MAML1: variants seen among roughly 807,000 people sequenced by gnomAD.
MAML1 encodes the protein mastermind like transcriptional coactivator 1.
MAML1 carries 14 observed loss-of-function variants against 77.1 expected under a neutral mutation model. The ratio of observed to expected loss-of-function variants is 0.18; its 90% CI spans 0.12 to 0.28. The LOEUF (loss-of-function observed/expected upper bound fraction) is 0.28. MAML1 is among the 10% of genes least tolerant of loss of function. The pLI is 1.00. For missense variants in MAML1, 1,217 were observed against 1,327.8 expected, an observed-to-expected ratio of 0.92 and a Z score of 1.30; for synonymous variants, 516 against 551.9, an observed-to-expected ratio of 0.93 and a Z score of 0.91.
chr5:179,755,657 A>G (rs1202824282), intron 1 of MAML1, among the ~76,000 whole-genome samples: 1 of 151,962 alleles, frequency 6.6e-6, no homozygotes, highest in Non-Finnish European at 1.5e-5. Flanking sequence ...AGCCCAACAC[A>G]AATTCATAAA....
At chr5:179,768,429 C>T (rs1779860898) in intron 2 of MAML1, among the ~76,000 whole-genome samples, 1 of 152,304 alleles carries the variant, frequency 6.6e-6, no homozygotes, top group African/African-American at 2.4e-5. Context: ...TGCACTCCAG[C>T]CTGGGCAACA....
chr5:179,749,136 T>C (rs1446470439), intron 1 of MAML1, among the ~76,000 whole-genome samples: 3 of 151,922 alleles, frequency 2.0e-5, no homozygotes, highest in African/African-American at 7.3e-5. Context: ...TGGCTAGTTG[T>C]TGTTGTTTGA....
intron 1 of MAML1, among the ~76,000 whole-genome samples, chr5:179,751,383 G>A (rs72809795): frequency 0.037 from 5,599 of 152,250 alleles, 126 homozygotes; most frequent in African/African-American, 0.053. Context: ...AGTGTAAAAT[G>A]CACACTGGAT....
Position 179,766,159 on chromosome 5 carries a change from C to T in MAML1, c.1149C>T (p.Pro383=). The part of the protein sequence containing the change: ...AQRALAGVVL[P]SQGPGGASEL... ...GAGCCCTTGCAGGTGTGGTATTGCC[C>T]AGTCAGGGCCCAGGAGGGGCCTCAG... The change falls in exon 2 of 5, where the codon CCC becomes CCT. Residue 383 remains proline (P), a synonymous_variant. Coordinates refer to ENST00000292599, the MANE Select transcript of MAML1 (RefSeq NM_014757.5). The surrounding 1 kb of genome is among the most constrained non-coding windows in gnomAD (Gnocchi z 4.0). The T allele has an allele frequency of 6.3e-7, 1 of 1,581,848 alleles. No individual in the cohort carries two copies. The highest frequency in any genetic ancestry group is 8.6e-7 in the Non-Finnish European group (1 of 1,165,508).
At chr5:179,741,410 C>T (rs1186958350) in intron 1 of MAML1, among the ~76,000 whole-genome samples, 1 of 152,110 alleles carries the variant, frequency 6.6e-6, no homozygotes, top group Non-Finnish European at 1.5e-5. Flanking sequence ...CTTGGCCAGG[C>T]GTGGTGGCTC....
intron 1 of MAML1, among the ~76,000 whole-genome samples, chr5:179,763,688 G>C (rs1022278391): frequency 1.3e-5 from 2 of 152,290 alleles, no homozygotes; most frequent in Admixed American, 1.3e-4. Flanking sequence ...TGCCCGTGGA[G>C]TTGCCCCAGG....
chr5:179,744,514 C>T (rs1004490325), intron 1 of MAML1, among the ~76,000 whole-genome samples: 5 of 151,668 alleles, frequency 3.3e-5, no homozygotes, highest in African/African-American at 9.7e-5. Context: ...TTACTTTCAC[C>T]ATTAAGCTGG....
intron 1 of MAML1, among the ~76,000 whole-genome samples, chr5:179,739,259 G>A (rs1236750519): frequency 4.6e-5 from 7 of 152,176 alleles, no homozygotes; most frequent in African/African-American, 1.7e-4. Context: ...GCTCATGCCT[G>A]TAATCTCAGA....
At chr5:179,752,192 GGC>G (rs1162729767) in intron 1 of MAML1, among the ~76,000 whole-genome samples, 1 of 151,110 alleles carries the variant, frequency 6.6e-6, no homozygotes, top group Non-Finnish European at 1.5e-5. Context: ...TGGGTGTGGT[GGC>G]GCACGCCTGT....
chr5:179,775,237 C>G lies in MAML1; in HGVS notation c.*360C>G, dbSNP rs900864434. 45 of 1,025,654 alleles carry G rather than the reference C, an allele frequency of 4.4e-5. No individual in the cohort carries two copies. The highest frequency in any genetic ancestry group is 5.3e-5 in the Non-Finnish European group (45 of 856,618). The allele number at this position is 1,025,654 out of a possible 1,614,324, so 63.5% of individuals were successfully genotyped here. ...TCTGTGCCATCATGGTGATTTTATC[C>G]AAGACTGCTCCACTTACCCCAGTGC... On this transcript the variant is annotated 3_prime_UTR_variant, in exon 5 of 5. Coordinates refer to ENST00000292599, the MANE Select transcript of MAML1 (RefSeq NM_014757.5).
chr5:179,767,869 A>G (rs912490199), intron 2 of MAML1, among the ~76,000 whole-genome samples: 1 of 152,362 alleles, frequency 6.6e-6, no homozygotes, highest in African/African-American at 2.4e-5. Context: ...CTTTTTGCCT[A>G]TCTTCTGCTA....
In MAML1 at chr5:179,775,189, C is replaced by T; in HGVS notation, c.*312C>T. 9.2e-7 allele frequency: 1 copy of T among 1,088,806 alleles called. No individual in the cohort carries two copies. Among genetic ancestry groups the T allele is most frequent in the Admixed American group, 4.8e-5 (1 of 20,876 alleles). 67.4% of individuals were successfully genotyped at this position (1,088,806 alleles called of 1,614,324 possible). A position where few individuals can be genotyped will look rare whatever the true frequency, so the allele number is the denominator to read the frequency against. On this transcript the variant is annotated 3_prime_UTR_variant, in exon 5 of 5. Coordinates refer to ENST00000292599, the MANE Select transcript of MAML1 (RefSeq NM_014757.5). ...AACCAACAGTAACACCAGTGAAACCCCACACTGTCGGGCTTATAAAAATCT... is the reference window on the plus strand; with the variant it reads ...AACCAACAGTAACACCAGTGAAACCTCACACTGTCGGGCTTATAAAAATCT...
rs1340257927 is a variant in MAML1 at position 179,776,755 on chromosome 5, C to T, written c.*1878C>T. 1 of 985,884 alleles carries T rather than the reference C, an allele frequency of 1.0e-6. No individual in the cohort carries two copies. Among genetic ancestry groups the T allele is most frequent in the East Asian group, 1.1e-4 (1 of 8,834 alleles). The allele number at this position is 985,884 out of a possible 1,614,324, so 61.1% of individuals were successfully genotyped here. A position where few individuals can be genotyped will look rare whatever the true frequency, so the allele number is the denominator to read the frequency against. On this transcript the variant is annotated 3_prime_UTR_variant, in exon 5 of 5. Transcript: ENST00000292599. ...CGCTGGCCCTGCACTCCGCCTTAGTCCTGGGGCCGGCGACACAGTGGGGGC... is the reference window on the plus strand; with the variant it reads ...CGCTGGCCCTGCACTCCGCCTTAGTTCTGGGGCCGGCGACACAGTGGGGGC...
chr5:179,733,650 A>T (rs1348629234), intron 1 of MAML1, among the ~76,000 whole-genome samples: 2 of 152,234 alleles, frequency 1.3e-5, no homozygotes, highest in Non-Finnish European at 2.9e-5. Flanking sequence ...GCCTTGCAGG[A>T]GGCCCGACCT....
At position 179,771,867 on chromosome 5, in the gene MAML1, C is replaced by T. The variant is rs929931943; in HGVS notation, c.2068+624C>T. Reference sequence around the variant, plus strand: ...GCTCCTCTCAGAATGTCTTAGAAACCTCTGTTTTTCCTTATTTGGGACCTT... The same window carrying T: ...GCTCCTCTCAGAATGTCTTAGAAACTTCTGTTTTTCCTTATTTGGGACCTT... On this transcript the variant is annotated intron_variant, in intron 4 of 4. Transcript: ENST00000292599. This position sits in a 1 kb window ranked among gnomAD's most constrained non-coding sequence, Gnocchi z 4.7. 3.9e-5 allele frequency among the ~76,000 whole-genome samples: 6 copies of T among 152,084 alleles called. No homozygotes were observed. Among genetic ancestry groups the T allele is most frequent in the African/African-American group, 1.4e-4 (6 of 41,414 alleles).
intron 1 of MAML1, among the ~76,000 whole-genome samples, chr5:179,756,436 A>G (rs1779619495): frequency 6.8e-6 from 1 of 147,048 alleles, no homozygotes; most frequent in African/African-American, 2.5e-5. Context: ...CTCTGTCTCA[A>G]AAAAAAAAAA....
At chr5:179,755,829 A>G (rs924364596) in intron 1 of MAML1, among the ~76,000 whole-genome samples, 14 of 149,808 alleles carry the variant, frequency 9.3e-5, no homozygotes, top group African/African-American at 3.2e-4. Context: ...CAATGGCGTG[A>G]TCTCAGCTCA....
rs759222156 is a variant in MAML1, at chr5:179,774,835, G to C, written c.3009G>C (p.Glu1003Asp). 3 of 1,613,420 alleles carry C rather than the reference G, an allele frequency of 1.9e-6. No homozygotes were observed. Among genetic ancestry groups the C allele is most frequent in the Non-Finnish European group, 2.5e-6 (3 of 1,179,500 alleles). Residue 1003 changes from glutamate (E) to aspartate (D), a missense_variant, in exon 5 of 5, where the codon GAG (glutamate) becomes GAC (aspartate). This residue lies in a region of MAML1 where 884 missense variants were observed against 949.3 expected (regional missense o/e 0.93). Transcript: ENST00000292599. ...CCCTGCTGAAGAACAGGACTTCAGA[G>C]GAGTGGATGAGTGATTTGGACGACC... is the stretch of plus-strand genomic sequence containing the variant. ...IDSLLKNRTS[E>D]EWMSDLDDLL... is the part of the protein sequence containing the mutation.
Position 179,777,189 on chromosome 5 carries a change from C to T in MAML1, c.*2312C>T. The T allele has an allele frequency of 2.0e-6, 2 of 977,112 alleles. No homozygotes were observed. Among genetic ancestry groups the T allele is most frequent in the South Asian group, 9.5e-5 (2 of 21,114 alleles). The allele number at this position is 977,112 out of a possible 1,614,324, so 60.5% of individuals were successfully genotyped here. Reference sequence around the variant, plus strand: ...TAAAAGTCCTATTAATCCCCATATTCTTCTACTGCCCTTAACTCTGGTATA... The same window carrying T: ...TAAAAGTCCTATTAATCCCCATATTTTTCTACTGCCCTTAACTCTGGTATA... On this transcript the variant is annotated 3_prime_UTR_variant, in exon 5 of 5. Transcript: ENST00000292599.
Sources: allele counts gnomAD v4.1 joint callset (sites outside exome capture counted in the v4.1 genomes callset), GRCh38; gene constraint gnomAD v4.1.1; regional missense constraint gnomAD v4.1.1; non-coding constraint Gnocchi (gnomAD v3.1); transcripts MANE v1.5; gene names NCBI Gene and HGNC (gene_info 2026-07-23, HGNC 2026-07-21).